The following GRB10 variants were observed in gnomAD, a reference collection of about 807,000 sequenced individuals.
GRB10 encodes growth factor receptor bound protein 10, also known as growth factor receptor-bound protein 10.
GRB10 carries 20 observed loss-of-function variants against 80.9 expected under a neutral mutation model. The ratio of observed to expected loss-of-function variants is 0.25; its 90% confidence interval spans 0.17 to 0.36. The LOEUF (loss-of-function observed/expected upper bound fraction) is 0.36. Among genes scored for constraint, GRB10 ranks in the 10% least tolerant of loss-of-function variants. GRB10 has a pLI of 1.00. For missense variants in GRB10, 548 were observed against 747.7 expected (o/e 0.73, Z 3.12); for synonymous variants, 291 against 291.5 (o/e 1.00, Z 0.02).
chr7:50,669,646 T>C lies in GRB10; in HGVS notation c.504+76A>G, dbSNP rs554742673. The C allele has an allele frequency of 3.6e-6, 5 of 1,406,072 alleles. No homozygotes were observed. In the South Asian group the frequency reaches 5.8e-5, roughly 16 times the overall value. 87.1% of individuals were successfully genotyped at this position (1,406,072 alleles called of 1,614,324 possible). On this transcript the variant is annotated intron_variant, in intron 7 of 18. Transcript: ENST00000401949. ...CTTCCCGCCCTTCTTCCCAAAGTAATAATCTGGCACATCTGTGCAGATCCC... is the reference window on the plus strand; with the variant it reads ...CTTCCCGCCCTTCTTCCCAAAGTAACAATCTGGCACATCTGTGCAGATCCC...
At chr7:50,716,664 T>C (rs1005224571) in intron 4 of GRB10, among the ~76,000 whole-genome samples, 5 of 151,968 alleles carry the variant, frequency 3.3e-5, no homozygotes, top group East Asian at 3.9e-4. Context: ...AGATGAAAAA[T>C]GCAACACAGG....
intron 4 of GRB10, 25 bp from the exon 5 acceptor site, chr7:50,703,933 AAGGCTGTG>A (rs2064636822): frequency 6.4e-7 from 1 of 1,560,860 alleles, no homozygotes; most frequent in African/African-American, 1.4e-5. Context: ...CCGCAGCAGA[AAGGCTGTG>A]AGTTCACAAG....
intron 5 of GRB10, among the ~76,000 whole-genome samples, chr7:50,684,861 T>C (rs2061940144): frequency 2.6e-5 from 4 of 152,186 alleles, no homozygotes; most frequent in African/African-American, 9.7e-5. Flanking sequence ...TTCTATTACA[T>C]CACAAGTCAC....
chr7:50,614,798 G>A lies in GRB10; in HGVS notation c.1067C>T (p.Ala356Val), dbSNP rs372584785. The change falls in exon 12 of 19, where the codon GCC (alanine) becomes GTC (valine). Residue 356 changes from alanine (A) to valine (V), a missense_variant. Around this residue, in one of 4 missense-constraint regions of GRB10, gnomAD observed 270 missense variants for 433.6 expected, o/e 0.62. Coordinates refer to ENST00000401949, the MANE Select transcript of GRB10 (RefSeq NM_001350814.2). ...SLIAGRKQYN[A>V]PTDHGLCIKP... is the part of the protein sequence containing the mutation. ...TATGCAGAGCCCGTGGTCTGTAGGG[G>A]CGTTGTACTGCTTCCTGCCAGCGAT... The A allele has an allele frequency of 5.6e-6, 9 of 1,613,646 alleles. No individual in the cohort carries two copies. In the African/African-American group the frequency reaches 1.1e-4, roughly 19 times the overall value.
chr7:50,711,115 T>C (rs1214306344), intron 4 of GRB10: 5 of 589,834 alleles, frequency 8.5e-6, no homozygotes, highest in Non-Finnish European at 1.5e-5. Flanking sequence ...GATCATAACC[T>C]ACAGGCTTAA....
At chr7:50,627,613 C>T (rs547949385) in intron 7 of GRB10, among the ~76,000 whole-genome samples, 15 of 152,278 alleles carry the variant, frequency 9.9e-5, no homozygotes, top group African/African-American at 2.2e-4. Context: ...TTCATTTGCC[C>T]GGTGCTGTTC....
intron 2 of GRB10, among the ~76,000 whole-genome samples, chr7:50,771,368 G>T (rs559314809): frequency 5.9e-5 from 9 of 152,104 alleles, no homozygotes; most frequent in Non-Finnish European, 1.2e-4. Context: ...TCTCCCCAAA[G>T]GTTTGTCCTG....
chr7:50,716,063 CCA>C (rs1376365275), intron 4 of GRB10, among the ~76,000 whole-genome samples: 1 of 152,170 alleles, frequency 6.6e-6, no homozygotes, highest in Non-Finnish European at 1.5e-5. Context: ...AGGGGGCTCT[CCA>C]CACACATCTC....
intron 7 of GRB10, among the ~76,000 whole-genome samples, chr7:50,658,110 A>C (rs17546146): frequency 0.087 from 13,305 of 152,238 alleles, 887 homozygotes; most frequent in Non-Finnish European, 0.11. Flanking sequence ...ACTTTATCCT[A>C]AACTGGGTGG....
chr7:50,718,279 T>A (rs2067194730), intron 4 of GRB10, among the ~76,000 whole-genome samples: 1 of 152,146 alleles, frequency 6.6e-6, no homozygotes, highest in Admixed American at 6.5e-5. Context: ...GTTTGAAATG[T>A]CCTTCTTCTG....
intron 5 of GRB10, among the ~76,000 whole-genome samples, chr7:50,681,070 T>C (rs2061490147): frequency 6.6e-6 from 1 of 152,230 alleles, no homozygotes; most frequent in African/African-American, 2.4e-5. Flanking sequence ...CATTTAAATA[T>C]ACACATTCTT....
chr7:50,712,420 A>C (rs1303831591), intron 4 of GRB10, among the ~76,000 whole-genome samples: 1 of 152,238 alleles, frequency 6.6e-6, no homozygotes, highest in Non-Finnish European at 1.5e-5. Context: ...TCTCGTATCA[A>C]GGAACAAGGG....
intron 8 of GRB10, among the ~76,000 whole-genome samples, chr7:50,620,241 T>G (rs2051443881): frequency 6.6e-6 from 1 of 152,182 alleles, no homozygotes; most frequent in African/African-American, 2.4e-5. Flanking sequence ...AAGTGTGAAG[T>G]GATGCCAAAA....
intron 4 of GRB10, among the ~76,000 whole-genome samples, chr7:50,730,713 C>T (rs2069545192): frequency 6.6e-6 from 1 of 152,152 alleles, no homozygotes; most frequent in African/African-American, 2.4e-5. Flanking sequence ...ACAAGGCCAT[C>T]AAGGGAGGAA....
intron 5 of GRB10, among the ~76,000 whole-genome samples, chr7:50,703,387 C>T (rs1287735769): frequency 1.3e-5 from 2 of 152,152 alleles, no homozygotes; most frequent in Non-Finnish European, 2.9e-5. Flanking sequence ...CATTCCTTTC[C>T]CACAATGACC....
At chr7:50,738,905 C>G (rs1319673321) in intron 3 of GRB10, among the ~76,000 whole-genome samples, 1 of 152,130 alleles carries the variant, frequency 6.6e-6, no homozygotes, top group Admixed American at 6.5e-5. Context: ...GGTGGTTTCA[C>G]ATTGTTCTTT....
chr7:50,712,290 G>T (rs1193900725), intron 4 of GRB10, among the ~76,000 whole-genome samples: 1 of 152,204 alleles, frequency 6.6e-6, no homozygotes, highest in Non-Finnish European at 1.5e-5. Context: ...TATGCAAGAG[G>T]AAAGGAAGCA....
At chr7:50,711,477 A>G (rs2065892618) in intron 4 of GRB10, among the ~76,000 whole-genome samples, 1 of 152,208 alleles carries the variant, frequency 6.6e-6, no homozygotes, top group African/African-American at 2.4e-5. Flanking sequence ...GCAGATGAAC[A>G]TGTGAACTGC....
At position 50,664,805 on chromosome 7, in the gene GRB10, C is replaced by A. The variant is rs10453040; in HGVS notation, c.504+4917G>T. Among the ~76,000 whole-genome samples, 1,377 of 152,318 alleles carry A rather than the reference C, an allele frequency of 9.0e-3. 17 individuals are homozygous for A. Among genetic ancestry groups the A allele is most frequent in the African/African-American group, 0.032 (1,313 of 41,568 alleles). ...TCACAAGTCTTTGCTATATCAATCACCCTTACCACAACAGCCTGTCTTTTC... is the reference window on the plus strand; with the variant it reads ...TCACAAGTCTTTGCTATATCAATCAACCTTACCACAACAGCCTGTCTTTTC... On this transcript the variant is annotated intron_variant, in intron 7 of 18. Transcript: ENST00000401949.
Sources: allele counts gnomAD v4.1 joint callset (sites outside exome capture counted in the v4.1 genomes callset), GRCh38; gene constraint gnomAD v4.1.1; regional missense constraint gnomAD v4.1.1; transcripts MANE v1.5; gene names NCBI Gene and HGNC (gene_info 2026-07-23, HGNC 2026-07-21).